The following LGSN variants were observed in gnomAD, a reference collection of about 807,000 sequenced individuals.
LGSN encodes lengsin.
A neutral mutation model predicts 19.5 loss-of-function variants in LGSN; 21 were observed. That is an observed-to-expected ratio of 1.07 (90% CI 0.76 to 1.55). The LOEUF is 1.55. Ranked by LOEUF, LGSN falls within the 40% of genes most tolerant of loss-of-function variation. The pLI, the probability that LGSN is intolerant of heterozygous loss-of-function variation, is 0.00. For synonymous variants in LGSN, 257 were observed against 215.6 expected, an observed-to-expected ratio of 1.19 and a Z score of -1.68; for missense variants, 673 against 608.5, an observed-to-expected ratio of 1.11 and a Z score of -1.12.
chr6:63,549,494 C>G, the LGSN span: 2 of 776,558 alleles, frequency 2.6e-6, no homozygotes, highest in Non-Finnish European at 4.5e-6. Context: ...CCTTGGCCTT[C>G]TTTCCTTTCG....
the LGSN span, among the ~76,000 whole-genome samples, chr6:63,353,643 A>G: frequency 6.6e-6 from 1 of 151,948 alleles, no homozygotes; most frequent in Non-Finnish European, 1.5e-5. Flanking sequence ...TTGAAAAAAC[A>G]ATCTCAAAAT....
chr6:63,471,894 G>A, the LGSN span, among the ~76,000 whole-genome samples: 1 of 152,238 alleles, frequency 6.6e-6, no homozygotes, highest in East Asian at 1.9e-4. Flanking sequence ...GACAAAAAGA[G>A]ATCGAAATCA....
chr6:63,522,259 G>A, the LGSN span, among the ~76,000 whole-genome samples: 4 of 152,052 alleles, frequency 2.6e-5, no homozygotes, highest in Non-Finnish European at 4.4e-5. Context: ...TGTTGTTTCT[G>A]TTACTTATTT....
chr6:63,501,028 TGACA>T, the LGSN span, among the ~76,000 whole-genome samples: 1,353 of 152,256 alleles, frequency 8.9e-3, 22 homozygotes, highest in African/African-American at 0.031. Context: ...TGTGCCTGAC[TGACA>T]GGTTATTTCA....
the LGSN span, among the ~76,000 whole-genome samples, chr6:63,544,655 C>T: frequency 6.6e-6 from 1 of 152,072 alleles, no homozygotes; most frequent in Non-Finnish European, 1.5e-5. Flanking sequence ...ATGACCTTGA[C>T]GTTTCTGATT....
the LGSN span, among the ~76,000 whole-genome samples, chr6:63,546,295 C>T: frequency 6.6e-6 from 1 of 152,210 alleles, no homozygotes; most frequent in Non-Finnish European, 1.5e-5. Flanking sequence ...CAGAAAGACA[C>T]ATACTCTATG....
At chr6:63,300,837 A>G (rs752398349) in intron 1 of LGSN, among the ~76,000 whole-genome samples, 1 of 152,208 alleles carries the variant, frequency 6.6e-6, no homozygotes, top group African/African-American at 2.4e-5. Flanking sequence ...TCTATTAAAA[A>G]TAATTGAGGA....
chr6:63,332,632 C>T, the LGSN span, among the ~76,000 whole-genome samples: 3 of 152,166 alleles, frequency 2.0e-5, no homozygotes, highest in African/African-American at 7.2e-5. Flanking sequence ...TTTAGTCCAG[C>T]GGCCGCGCTA....
At chr6:63,502,683 C>G in the LGSN span, among the ~76,000 whole-genome samples, 1 of 152,126 alleles carries the variant, frequency 6.6e-6, no homozygotes, top group South Asian at 2.1e-4. Flanking sequence ...TGTTGCTGAA[C>G]CTTCTAAAAG....
chr6:63,393,552 A>G, the LGSN span, among the ~76,000 whole-genome samples: 1 of 152,138 alleles, frequency 6.6e-6, no homozygotes, highest in Non-Finnish European at 1.5e-5. Context: ...TTTGCACAAT[A>G]AGATTAGGGT....
the LGSN span, among the ~76,000 whole-genome samples, chr6:63,493,599 T>C: frequency 1.3e-5 from 2 of 152,220 alleles, no homozygotes; most frequent in African/African-American, 2.4e-5. Context: ...GTCTCTGTTG[T>C]TGACAAAAGG....
the LGSN span, among the ~76,000 whole-genome samples, chr6:63,488,601 A>C: frequency 6.6e-6 from 1 of 152,168 alleles, no homozygotes; most frequent in African/African-American, 2.4e-5. Flanking sequence ...AATATATGGA[A>C]TTAGAGGTGT....
the LGSN span, among the ~76,000 whole-genome samples, chr6:63,470,451 T>A: frequency 2.0e-5 from 3 of 150,226 alleles, no homozygotes; most frequent in African/African-American, 7.4e-5. Flanking sequence ...TCCAGCCTGG[T>A]TGACAGAGCA....
At chr6:63,506,685 G>C in the LGSN span, among the ~76,000 whole-genome samples, 1 of 152,118 alleles carries the variant, frequency 6.6e-6, no homozygotes, top group Non-Finnish European at 1.5e-5. Context: ...TTAAGAGAAC[G>C]GGCATACATG....
At chr6:63,420,037 C>T in the LGSN span, among the ~76,000 whole-genome samples, 891 of 148,834 alleles carry the variant, frequency 6.0e-3, 3 homozygotes, top group Non-Finnish European at 9.0e-3. Context: ...CCCGTCTCTA[C>T]TAAAAATACA....
the LGSN span, among the ~76,000 whole-genome samples, chr6:63,355,973 C>G: frequency 6.6e-6 from 1 of 152,158 alleles, no homozygotes; most frequent in Non-Finnish European, 1.5e-5. Context: ...GCCACTGGAC[C>G]TCGCCAGTAC....
chr6:63,479,257 A>G, the LGSN span, among the ~76,000 whole-genome samples: 1 of 152,182 alleles, frequency 6.6e-6, no homozygotes, highest in Non-Finnish European at 1.5e-5. Flanking sequence ...ATGAAAATTT[A>G]AGTACTCTTA....
chr6:63,561,638 G>A, the LGSN span, among the ~76,000 whole-genome samples: 1 of 152,112 alleles, frequency 6.6e-6, no homozygotes, highest in Non-Finnish European at 1.5e-5. Flanking sequence ...TTATACCCAA[G>A]TCACCTTGGG....
chr6:63,571,691 T>A, the LGSN span: 1 of 152,252 alleles, frequency 6.6e-6, no homozygotes, highest in Admixed American at 6.5e-5. Flanking sequence ...AAAGGATGCA[T>A]GTGATTTCGA....
Sources: gnomAD v4.1 joint callset for allele counts (sites outside exome capture counted in the v4.1 genomes callset) on GRCh38, gnomAD v4.1.1 for gene constraint, MANE v1.5 for transcripts, NCBI Gene and HGNC (gene_info 2026-07-23, HGNC 2026-07-21) for gene names.